TCERG1L: variants seen among roughly 807,000 people sequenced by gnomAD.
TCERG1L encodes transcription elongation regulator 1-like protein.
Under a neutral mutation model 56.3 loss-of-function variants are expected in TCERG1L, and 37 were observed. The ratio of observed to expected loss-of-function variants is 0.66; its 90% CI spans 0.51 to 0.87. The LOEUF (loss-of-function observed/expected upper bound fraction) is 0.87. Ranked by LOEUF, TCERG1L falls within the 40% of genes least tolerant of loss-of-function variation. The pLI is 0.00. For missense variants in TCERG1L, 799 were observed against 774.2 expected, an observed-to-expected ratio of 1.03 and a Z score of -0.38; for synonymous variants, 324 against 326.3, an observed-to-expected ratio of 0.99 and a Z score of 0.08.
At chr10:131,221,801 G>A (rs1212145361) in intron 4 of TCERG1L, among the ~76,000 whole-genome samples, 1 of 152,214 alleles carries the variant, frequency 6.6e-6, no homozygotes, top group African/African-American at 2.4e-5. Flanking sequence ...AAATTGTACA[G>A]GAGAAGTGGC....
chr10:131,283,600 T>C (rs1252317218), intron 3 of TCERG1L, among the ~76,000 whole-genome samples: 1 of 152,192 alleles, frequency 6.6e-6, no homozygotes, highest in Non-Finnish European at 1.5e-5. Context: ...GTATAAAATA[T>C]ACTAATTGTA....
intron 4 of TCERG1L, among the ~76,000 whole-genome samples, chr10:131,167,951 C>T (rs1050451266): frequency 2.0e-5 from 3 of 152,188 alleles, no homozygotes; most frequent in Non-Finnish European, 4.4e-5. Flanking sequence ...TAACCACACA[C>T]CAACCTAAAA....
At chr10:131,180,708 C>T (rs1467196677) in intron 4 of TCERG1L, among the ~76,000 whole-genome samples, 1 of 152,150 alleles carries the variant, frequency 6.6e-6, no homozygotes, top group African/African-American at 2.4e-5. Flanking sequence ...GCATCCAGAA[C>T]TTCAGATTTT....
At chr10:131,167,771 T>A (rs1846047783) in intron 4 of TCERG1L, among the ~76,000 whole-genome samples, 5 of 152,184 alleles carry the variant, frequency 3.3e-5, no homozygotes. Flanking sequence ...AAGGTGCTTG[T>A]TTCAGGGGAG....
At chr10:131,287,407 C>T (rs1846557818) in intron 3 of TCERG1L, among the ~76,000 whole-genome samples, 1 of 152,162 alleles carries the variant, frequency 6.6e-6, no homozygotes, top group Non-Finnish European at 1.5e-5. Context: ...ATATAATGGT[C>T]ACCAGGACAG....
intron 4 of TCERG1L, among the ~76,000 whole-genome samples, chr10:131,207,202 A>T (rs551461202): frequency 0.017 from 535 of 31,744 alleles, no homozygotes; most frequent in Non-Finnish European, 0.022. Context: ...TCCCCCACCC[A>T]ATCTCCAGCT....
chr10:131,213,231 G>T (rs1845635106), intron 4 of TCERG1L, among the ~76,000 whole-genome samples: 1 of 152,208 alleles, frequency 6.6e-6, no homozygotes, highest in South Asian at 2.1e-4. Context: ...TGGCACACGG[G>T]AAGATGGCAC....
At chr10:131,107,162 G>A (rs11017721) in intron 9 of TCERG1L, among the ~76,000 whole-genome samples, 18,315 of 152,070 alleles carry the variant, frequency 0.12, 1,182 homozygotes, top group African/African-American at 0.17. Flanking sequence ...ATCTGGGGCC[G>A]TTAGAGAAGC....
chr10:131,136,809 T>A (rs771395723), intron 7 of TCERG1L, among the ~76,000 whole-genome samples: 9 of 151,856 alleles, frequency 5.9e-5, no homozygotes, highest in Non-Finnish European at 1.2e-4. Context: ...TCCAGGCATT[T>A]CTACTTCCTG....
intron 4 of TCERG1L, among the ~76,000 whole-genome samples, chr10:131,202,417 A>G (rs1395293280): frequency 6.6e-6 from 1 of 152,068 alleles, no homozygotes; most frequent in East Asian, 1.9e-4. Flanking sequence ...CCCCATTACC[A>G]CTAAAAATAC....
intron 7 of TCERG1L, among the ~76,000 whole-genome samples, chr10:131,138,282 A>G (rs1464531065): frequency 1.3e-5 from 2 of 152,172 alleles, no homozygotes; most frequent in Non-Finnish European, 2.9e-5. Flanking sequence ...TCTGTCTCAA[A>G]TAATAATACC....
chr10:131,281,907 C>T (rs1033341272), intron 3 of TCERG1L, among the ~76,000 whole-genome samples: 1 of 152,138 alleles, frequency 6.6e-6, no homozygotes, highest in Non-Finnish European at 1.5e-5. Flanking sequence ...GAGGCCGAGG[C>T]TGGCGGATCA....
intron 4 of TCERG1L, among the ~76,000 whole-genome samples, chr10:131,254,773 G>A (rs1240336485): frequency 2.0e-5 from 3 of 152,220 alleles, no homozygotes; most frequent in East Asian, 1.9e-4. Context: ...GGGCAGACCC[G>A]GGGCAACGTA....
Position 131,311,340 on chromosome 10 carries a change from G to GCGGAGT in TCERG1L, c.295_296insACTCCG (p.Ser99delinsTyrSerAla). 1.7e-6 allele frequency: 2 copies of GCGGAGT among 1,204,246 alleles called. No individual in the cohort carries two copies. The highest frequency in any genetic ancestry group is 3.2e-5 in the African/African-American group (2 of 62,862). The allele number at this position is 1,204,246 out of a possible 1,614,324, so 74.6% of individuals were successfully genotyped here. Reference sequence around the variant, plus strand: ...GGGGTGCGCGGCGGCGGCGGCGGCGGAGTCTGGCGCAGAGGGCAGCGGCAG... The same window carrying GCGGAGT: ...GGGGTGCGCGGCGGCGGCGGCGGCGGCGGAGTAGTCTGGCGCAGAGGGCAGCGGCAG... On this transcript the variant is annotated protein_altering_variant, in exon 1 of 12. Coordinates refer to ENST00000368642, the MANE Select transcript of TCERG1L (RefSeq NM_174937.4). The surrounding 1 kb of genome is among the most constrained non-coding windows in gnomAD (Gnocchi z 4.0).
intron 6 of TCERG1L, 89 bp downstream of exon 6, chr10:131,163,033 G>T: frequency 1.0e-6 from 1 of 1,003,278 alleles, no homozygotes; most frequent in Non-Finnish European, 1.4e-6. Context: ...ATGCCTGAGA[G>T]ACATGCAGTG....
intron 4 of TCERG1L, among the ~76,000 whole-genome samples, chr10:131,170,725 T>C (rs1046399405): frequency 2.6e-5 from 4 of 152,076 alleles, no homozygotes; most frequent in Non-Finnish European, 5.9e-5. Flanking sequence ...TGAGAGGAAG[T>C]ACTGTGAGCA....
chr10:131,126,257 TG>T (rs1845564433), intron 8 of TCERG1L, among the ~76,000 whole-genome samples: 1 of 152,188 alleles, frequency 6.6e-6, no homozygotes, highest in Non-Finnish European at 1.5e-5. Context: ...TTGCTGTCCG[TG>T]TAGCTGTGGC....
chr10:131,137,321 C>T (rs1035522910), intron 7 of TCERG1L, among the ~76,000 whole-genome samples: 20 of 152,330 alleles, frequency 1.3e-4, no homozygotes, highest in African/African-American at 4.3e-4. Flanking sequence ...CCGGTTTTCC[C>T]TCCCTGGTGC....
chr10:131,177,630 C>T (rs574139182), intron 4 of TCERG1L, among the ~76,000 whole-genome samples: 25 of 152,204 alleles, frequency 1.6e-4, no homozygotes, highest in African/African-American at 5.1e-4. Flanking sequence ...GGCGTTAACA[C>T]GCCCAGCACA....
Sources: allele counts gnomAD v4.1 joint callset (sites outside exome capture counted in the v4.1 genomes callset), GRCh38; gene constraint gnomAD v4.1.1; non-coding constraint Gnocchi (gnomAD v3.1); transcripts MANE v1.5; gene names NCBI Gene and HGNC (gene_info 2026-07-23, HGNC 2026-07-21).